The following ARHGAP28 variants were observed in gnomAD, a reference collection of about 807,000 sequenced individuals.
ARHGAP28 encodes Rho GTPase activating protein 28.
Under a neutral mutation model 90.7 loss-of-function variants are expected in ARHGAP28, and 56 were observed. The ratio of observed to expected loss-of-function variants is 0.62; its 90% CI spans 0.50 to 0.77. ARHGAP28 has a LOEUF of 0.77. Among genes scored for constraint, ARHGAP28 ranks in the 30% least tolerant of loss-of-function variants. ARHGAP28 has a pLI of 0.00. For synonymous variants in ARHGAP28, 308 were observed against 323.3 expected (o/e 0.95, Z 0.51); for missense variants, 869 against 900.9 (o/e 0.96, Z 0.45).
At chr18:6,861,045 G>A (rs1465528393) in intron 5 of ARHGAP28, among the ~76,000 whole-genome samples, 1 of 152,210 alleles carries the variant, frequency 6.6e-6, no homozygotes, top group Non-Finnish European at 1.5e-5. Flanking sequence ...AACAAAGTCA[G>A]TCATTCACAA....
At chr18:6,826,683 C>CT (rs36069648) in intron 2 of ARHGAP28, among the ~76,000 whole-genome samples, 51,599 of 88,338 alleles carry the variant, frequency 0.58, 15,536 homozygotes, top group Non-Finnish European at 0.65. Flanking sequence ...GGATTTTGAG[C>CT]TTTTTTTTTT....
rs1472126493 is a variant in ARHGAP28, at chr18:6,761,174, C to T, written c.122+31231C>T. Among the ~76,000 whole-genome samples the T allele has an allele frequency of 2.0e-5, 3 of 151,548 alleles. No individual in the cohort carries two copies. The East Asian group carries it at 5.8e-4, about 29-fold the overall frequency. On this transcript the variant is annotated intron_variant, in intron 1 of 17. Transcript: ENST00000383472. ...TTAGAGATGGGGGTGGGGGTGAGGG[C>T]AGGGGCAGGTAGTGAGTGCAAGGAA...
At chr18:6,895,568 G>A (rs1159806867) in intron 15 of ARHGAP28, among the ~76,000 whole-genome samples, 1 of 152,188 alleles carries the variant, frequency 6.6e-6, no homozygotes, top group African/African-American at 2.4e-5. Flanking sequence ...TTTTGGCGAT[G>A]CCAGTAATCC....
intron 17 of ARHGAP28, among the ~76,000 whole-genome samples, chr18:6,910,466 C>A (rs2057389977): frequency 6.6e-6 from 1 of 152,116 alleles, no homozygotes; most frequent in South Asian, 2.1e-4. Context: ...AATCCAATCA[C>A]CTGACAGGGT....
intron 1 of ARHGAP28, among the ~76,000 whole-genome samples, chr18:6,801,033 G>A (rs1033523791): frequency 2.6e-5 from 4 of 152,114 alleles, no homozygotes; most frequent in African/African-American, 7.2e-5. Context: ...GTCATGGATC[G>A]TGCTTGTTGT....
At position 6,742,423 on chromosome 18, in the gene ARHGAP28, GC is replaced by G. The variant is rs1222086698; in HGVS notation, c.122+12481del. ...GACCTCAGGTGATCCACCCACCTCGGCTTTCCAGCATGCAGGGATTACAGCC... is the reference window on the plus strand; with the variant it reads ...GACCTCAGGTGATCCACCCACCTCGGTTTCCAGCATGCAGGGATTACAGCC... On this transcript the variant is annotated intron_variant, in intron 1 of 17. Transcript: ENST00000383472. Among the ~76,000 whole-genome samples the G allele has an allele frequency of 2.6e-5, 4 of 152,038 alleles. No homozygotes were observed. In the East Asian group the frequency reaches 7.7e-4, roughly 29 times the overall value.
chr18:6,880,983 T>G (rs1041974091), intron 10 of ARHGAP28, among the ~76,000 whole-genome samples: 11 of 152,242 alleles, frequency 7.2e-5, no homozygotes, highest in African/African-American at 2.7e-4. Flanking sequence ...CCAGAGGGTT[T>G]CTTGATTAGC....
chr18:6,757,711 G>A (rs564426740), intron 1 of ARHGAP28, among the ~76,000 whole-genome samples: 10 of 152,242 alleles, frequency 6.6e-5, no homozygotes, highest in East Asian at 3.9e-4. Context: ...TTAATGGGAC[G>A]TGTGACATCA....
chr18:6,794,236 A>T (rs936082848), intron 1 of ARHGAP28, among the ~76,000 whole-genome samples: 6 of 152,230 alleles, frequency 3.9e-5, no homozygotes, highest in African/African-American at 1.4e-4. Context: ...TTCATAACAG[A>T]CTACCACATT....
At chr18:6,807,103 T>C (rs2056524178) in intron 1 of ARHGAP28, among the ~76,000 whole-genome samples, 1 of 152,146 alleles carries the variant, frequency 6.6e-6, no homozygotes. Context: ...ATATTTCTTA[T>C]CCTTTGAGTT....
intron 5 of ARHGAP28, among the ~76,000 whole-genome samples, chr18:6,864,823 T>A (rs955111094): frequency 6.6e-6 from 1 of 152,084 alleles, no homozygotes; most frequent in East Asian, 1.9e-4. Flanking sequence ...TAACTGGGAT[T>A]ATACGTGTGC....
At chr18:6,846,930 A>T (rs1447992745) in intron 3 of ARHGAP28, among the ~76,000 whole-genome samples, 4 of 152,094 alleles carry the variant, frequency 2.6e-5, no homozygotes, top group African/African-American at 9.7e-5. Flanking sequence ...AGCTTGGGAG[A>T]GGAGGACACC....
rs2056649348 is a variant in ARHGAP28, at chr18:6,824,685, TAATTA to T, written c.123-72_123-68del. Reference sequence around the variant, plus strand: ...TGATTTAAACTTAATTAATTAAACTTAATTAAATTTAATTTTGTGGCTTTATAACA... The same window carrying T: ...TGATTTAAACTTAATTAATTAAACTTAATTTAATTTTGTGGCTTTATAACA... On this transcript the variant is annotated intron_variant, in intron 1 of 17. Transcript: ENST00000383472. The T allele has an allele frequency of 7.2e-6, 9 of 1,250,232 alleles. No individual in the cohort carries two copies. In the South Asian group the frequency reaches 7.9e-5, roughly 11 times the overall value. The allele number at this position is 1,250,232 out of a possible 1,614,324, so 77.4% of individuals were successfully genotyped here.
intron 3 of ARHGAP28, among the ~76,000 whole-genome samples, chr18:6,839,912 AT>A (rs2056791632): frequency 2.0e-5 from 3 of 152,116 alleles, no homozygotes; most frequent in Non-Finnish European, 4.4e-5. Context: ...TTTCTAATGG[AT>A]TTTCTTTCAA....
chr18:6,915,588 G>T lies in ARHGAP28; in HGVS notation c.*3434G>T, dbSNP rs1171988100. 6.6e-6 allele frequency: 1 copy of T among 151,964 alleles called. No individual in the cohort carries two copies. Among genetic ancestry groups the T allele is most frequent in the African/African-American group, 2.4e-5 (1 of 41,378 alleles). 9.4% of individuals were successfully genotyped at this position (151,964 alleles called of 1,614,324 possible). A position where few individuals can be genotyped will look rare whatever the true frequency, so the allele number is the denominator to read the frequency against. ...TTGACAAATCATGACACTAGAAAAC[G>T]CCAATGTTTTATGTCTTTGCCCATC... On this transcript the variant is annotated 3_prime_UTR_variant, in exon 18 of 18. Transcript: ENST00000383472.
intron 3 of ARHGAP28, among the ~76,000 whole-genome samples, chr18:6,842,040 A>T (rs1050798383): frequency 4.6e-5 from 7 of 152,112 alleles, no homozygotes; most frequent in Non-Finnish European, 1.0e-4. Flanking sequence ...CTGTTTTAAC[A>T]TTTATGCCTT....
Position 6,799,195 on chromosome 18 carries a change from G to A in ARHGAP28, c.123-25567G>A, listed in dbSNP as rs560827745. On this transcript the variant is annotated intron_variant, in intron 1 of 17. Coordinates refer to ENST00000383472, the MANE Select transcript of ARHGAP28 (RefSeq NM_001366230.1). ...TGACTTGTCTTTTTAAATCTTTAGC[G>A]CATTAAAAAATACAATGGTTTCTGC... is the stretch of plus-strand genomic sequence containing the variant. Among the ~76,000 whole-genome samples, 9 of 152,056 alleles carry A rather than the reference G, an allele frequency of 5.9e-5. 1 individual carries two copies. Among genetic ancestry groups the A allele is most frequent in the South Asian group, 4.2e-4 (2 of 4,808 alleles).
chr18:6,779,272 T>C (rs1034205087), intron 1 of ARHGAP28, among the ~76,000 whole-genome samples: 4 of 152,146 alleles, frequency 2.6e-5, no homozygotes, highest in Admixed American at 2.0e-4. Flanking sequence ...TTACCCCAAA[T>C]TGCAGTATTA....
At chr18:6,807,655 G>C (rs573407725) in intron 1 of ARHGAP28, among the ~76,000 whole-genome samples, 8 of 152,278 alleles carry the variant, frequency 5.3e-5, no homozygotes, top group Non-Finnish European at 8.8e-5. Context: ...GGTGATTACT[G>C]GGATCCTGTT....
Sources: gnomAD v4.1 joint callset for allele counts (sites outside exome capture counted in the v4.1 genomes callset) on GRCh38, gnomAD v4.1.1 for gene constraint, MANE v1.5 for transcripts, NCBI Gene and HGNC (gene_info 2026-07-23, HGNC 2026-07-21) for gene names.